Variants in IQCE observed in about 807,000 individuals in gnomAD.
The protein encoded by IQCE is IQ domain-containing protein E.
A neutral mutation model predicts 96.0 loss-of-function variants in IQCE; 115 were observed. That is an observed-to-expected ratio of 1.20 (90% CI 1.03 to 1.40). The LOEUF is 1.40. Among genes scored for constraint, IQCE ranks in the 40% most tolerant of loss-of-function variants. The pLI is 0.00. For missense variants in IQCE, 1,041 were observed against 909.1 expected (o/e 1.15, Z -1.87); for synonymous variants, 412 against 371.2 (o/e 1.11, Z -1.26).
rs1785065545 is a variant in IQCE, at chr7:2,610,661, C to T, written c.*499C>T. Reference sequence around the variant, plus strand: ...AAGGTGTGAGACCGGCTTCCCCCATCCCCACAGCAAAACACGGCCTGTCCC... The same window carrying T: ...AAGGTGTGAGACCGGCTTCCCCCATTCCCACAGCAAAACACGGCCTGTCCC... On this transcript the variant is annotated 3_prime_UTR_variant, in exon 22 of 22. Transcript: ENST00000402050. The T allele has an allele frequency of 6.2e-6, 1 of 160,594 alleles. No individual in the cohort carries two copies. The highest frequency in any genetic ancestry group is 2.4e-5 in the African/African-American group (1 of 41,552). The allele number at this position is 160,594 out of a possible 1,614,324, so 9.9% of individuals were successfully genotyped here.
At chr7:2,583,150 C>G (rs74474259) in intron 9 of IQCE, among the ~76,000 whole-genome samples, 2,433 of 152,292 alleles carry the variant, frequency 0.016, 60 homozygotes, top group African/African-American at 0.054. Flanking sequence ...TATTTCAGTG[C>G]AGAACCTCCA....
intron 14 of IQCE, among the ~76,000 whole-genome samples, chr7:2,590,763 T>G (rs1783523981): frequency 6.6e-6 from 1 of 152,068 alleles, no homozygotes; most frequent in Admixed American, 6.5e-5. Flanking sequence ...AGACCTCAAC[T>G]CAAAAGTGTA....
chr7:2,575,867 G>T (rs1278994059), intron 6 of IQCE, among the ~76,000 whole-genome samples: 1 of 152,160 alleles, frequency 6.6e-6, no homozygotes, highest in Non-Finnish European at 1.5e-5. Context: ...CGGCCCATCC[G>T]CCTCCTTCTC....
intron 6 of IQCE, among the ~76,000 whole-genome samples, chr7:2,577,816 G>A (rs1445629949): frequency 7.1e-6 from 1 of 140,018 alleles, no homozygotes. Flanking sequence ...GGCTGTGCGC[G>A]CGGGGACGTG....
intron 19 of IQCE, 109 bp downstream of exon 19, chr7:2,605,100 GC>G: frequency 1.3e-6 from 1 of 746,666 alleles, no homozygotes; most frequent in Non-Finnish European, 2.2e-6. Flanking sequence ...ATCCCCGCCC[GC>G]CCAGCAGGCG....
intron 8 of IQCE, chr7:2,581,886 G>C (rs1436390719): frequency 3.9e-6 from 1 of 256,484 alleles, no homozygotes; most frequent in East Asian, 1.2e-4. Context: ...ATTTTTTTTT[G>C]TATTTTTAGT....
intron 5 of IQCE, 30 bp downstream of exon 5, chr7:2,572,356 G>A (rs998650353): frequency 1.2e-6 from 2 of 1,606,940 alleles, no homozygotes; most frequent in Admixed American, 1.7e-5. Context: ...CGAGGCTGAG[G>A]CCAAGGAAGA....
Position 2,589,794 on chromosome 7 carries a change from C to T in IQCE, c.1045-113C>T, listed in dbSNP as rs537916157. On this transcript the variant is annotated intron_variant, in intron 13 of 21. Coordinates refer to ENST00000402050, the MANE Select transcript of IQCE (RefSeq NM_152558.5). Reference sequence around the variant, plus strand: ...AACTCGGGTCCCCTCAAAGCTTTCTCATGGCCCTGCTGGAGACTCAGTTTG... The same window carrying T: ...AACTCGGGTCCCCTCAAAGCTTTCTTATGGCCCTGCTGGAGACTCAGTTTG... 1.2e-4 allele frequency: 127 copies of T among 1,018,054 alleles called. 1 individual carries two copies. In the South Asian group the frequency reaches 1.7e-3, roughly 14 times the overall value. 63.1% of individuals were successfully genotyped at this position (1,018,054 alleles called of 1,614,324 possible). A position where few individuals can be genotyped will look rare whatever the true frequency, so the allele number is the denominator to read the frequency against.
chr7:2,608,991 C>G (rs1784994987), intron 21 of IQCE, among the ~76,000 whole-genome samples: 1 of 152,210 alleles, frequency 6.6e-6, no homozygotes. Context: ...CATTTCCTTC[C>G]CTTTTTAAAA....
intron 14 of IQCE, among the ~76,000 whole-genome samples, chr7:2,592,809 T>C (rs578001396): frequency 6.7e-4 from 102 of 152,360 alleles, no homozygotes; most frequent in Non-Finnish European, 1.2e-3. Flanking sequence ...GTTGATCCCC[T>C]GCACACAGCA....
Position 2,611,838 on chromosome 7 carries a change from A to AT in IQCE, c.*1685dup, listed in dbSNP as rs201794491. On this transcript the variant is annotated 3_prime_UTR_variant, in exon 22 of 22. Coordinates refer to ENST00000402050, the MANE Select transcript of IQCE (RefSeq NM_152558.5). Reference sequence around the variant, plus strand: ...ATTTGGTCTGTGGGTTGCCAAGTCCATTTTTTTTTCCACTGAACTGGCTGG... The same window carrying AT: ...ATTTGGTCTGTGGGTTGCCAAGTCCATTTTTTTTTTCCACTGAACTGGCTGG... 4.0e-5 allele frequency: 6 copies of AT among 150,880 alleles called. No homozygotes were observed. The highest frequency in any genetic ancestry group is 7.3e-5 in the African/African-American group (3 of 41,066). The allele number at this position is 150,880 out of a possible 1,614,324, so 9.3% of individuals were successfully genotyped here. A position where few individuals can be genotyped will look rare whatever the true frequency, so the allele number is the denominator to read the frequency against.
Position 2,607,104 on chromosome 7 carries a change from C to A in IQCE, c.1866-20C>A. 6.3e-7 allele frequency: 1 copy of A among 1,575,332 alleles called. No individual in the cohort carries two copies. ...ACTCTCTAAAAGCAGAATCAGCTGG[C>A]GTTTTCTGTTTTTTTCCAGTGCTAC... On this transcript the variant is annotated intron_variant, in intron 20 of 21. Coordinates refer to ENST00000402050, the MANE Select transcript of IQCE (RefSeq NM_152558.5).
Position 2,605,990 on chromosome 7 carries a change from A to G in IQCE, c.1858A>G (p.Arg620Gly), listed in dbSNP as rs748656458. The G allele has an allele frequency of 3.1e-6, 5 of 1,608,200 alleles. No homozygotes were observed. In the East Asian group the frequency reaches 9.0e-5, roughly 29 times the overall value. The change falls in exon 20 of 22, where the codon AGG becomes GGG. Residue 620 changes from arginine to glycine, a missense_variant. Physicochemically the swap from Arg to Gly is moderately radical, Grantham distance 125. Transcript: ENST00000402050. ...SALRAHLARA[R>G]HSATGKRTTT... ...TCTGCGGGCACACCTGGCCCGGGCC[A>G]GGCACAGGTGAGTCAGGGTCACGGG...
intron 2 of IQCE, among the ~76,000 whole-genome samples, chr7:2,568,336 A>G (rs1011933787): frequency 6.6e-6 from 1 of 152,206 alleles, no homozygotes; most frequent in African/African-American, 2.4e-5. Context: ...TCCCCAAGAT[A>G]CCTCATTATA....
chr7:2,604,922 G>A lies in IQCE; in HGVS notation c.1674G>A (p.Thr558=), dbSNP rs200970192. The change falls in exon 19 of 22, where the codon ACG becomes ACA. Residue 558 remains threonine (T), a synonymous_variant. Transcript: ENST00000402050. ...VLQAAFRGHL[T]RTKLLASKAH... ...AGGCAGCTTTCAGGGGACATCTCAC[G>A]CGGACAAAGCTCTTAGCAAGCAAAG... 9.5e-5 allele frequency: 154 copies of A among 1,613,736 alleles called. No individual in the cohort carries two copies. In the East Asian group the frequency reaches 2.1e-3, roughly 22 times the overall value.
Position 2,594,949 on chromosome 7 carries a change from A to G in IQCE, c.1413A>G (p.Lys471=), listed in dbSNP as rs763928304. 2.5e-6 allele frequency: 4 copies of G among 1,613,546 alleles called. No homozygotes were observed. Among genetic ancestry groups the G allele is most frequent in the African/African-American group, 1.3e-5 (1 of 74,932 alleles). The change falls in exon 16 of 22, where the codon AAA becomes AAG. Residue 471 remains lysine (K), a synonymous_variant. Transcript: ENST00000402050. ...QELQEMKKEE[K]EDCPEVPHKA... ...TGCAAGAAATGAAGAAAGAAGAGAA[A>G]GAGGATTGCCCGGAAGTTCCTCATA...
At position 2,610,430 on chromosome 7, in the gene IQCE, C is replaced by T. The variant is rs948980523; in HGVS notation, c.*268C>T. On this transcript the variant is annotated 3_prime_UTR_variant, in exon 22 of 22. Transcript: ENST00000402050. ...TTTCAGTGCCAACAGACACATCTGC[C>T]GTGAACTCGCAGATGCCAGGGAGCC... The T allele has an allele frequency of 5.4e-5, 21 of 392,342 alleles. No homozygotes were observed. Among genetic ancestry groups the T allele is most frequent in the South Asian group, 3.6e-4 (13 of 35,734 alleles). 24.3% of individuals were successfully genotyped at this position (392,342 alleles called of 1,614,324 possible).
At chr7:2,585,328 A>C (rs1783013014) in intron 11 of IQCE, among the ~76,000 whole-genome samples, 1 of 152,238 alleles carries the variant, frequency 6.6e-6, no homozygotes, top group South Asian at 2.1e-4. Flanking sequence ...ATGAGCCACC[A>C]TGCCCAGCCT....
chr7:2,584,859 T>G (rs1208159099), intron 11 of IQCE, among the ~76,000 whole-genome samples: 1 of 152,196 alleles, frequency 6.6e-6, no homozygotes, highest in Non-Finnish European at 1.5e-5. Flanking sequence ...ACTTTTTCTG[T>G]AAAGGACCAG....
Sources: allele counts gnomAD v4.1 joint callset (sites outside exome capture counted in the v4.1 genomes callset), GRCh38; gene constraint gnomAD v4.1.1; transcripts MANE v1.5; gene names NCBI Gene and HGNC (gene_info 2026-07-23, HGNC 2026-07-21).